Variants in USP45 observed in about 807,000 individuals in gnomAD.
The protein encoded by USP45 is ubiquitin specific peptidase 45.
In USP45, 89 loss-of-function variants were observed where a neutral mutation model predicts 95.8. The ratio of observed to expected loss-of-function variants is 0.93; its 90% CI spans 0.78 to 1.11. The LOEUF (loss-of-function observed/expected upper bound fraction) is 1.11. Ranked by LOEUF, USP45 falls within the 50% of genes least tolerant of loss-of-function variation. The pLI, the probability that USP45 is intolerant of heterozygous loss-of-function variation, is 0.00. For missense variants in USP45, 898 were observed against 942.5 expected (o/e 0.95, Z 0.62); for synonymous variants, 281 against 316.2 (o/e 0.89, Z 1.18).
intron 13 of USP45, chr6:99,461,708 TA>T: frequency 1.0e-6 from 1 of 985,104 alleles, no homozygotes; most frequent in Non-Finnish European, 1.2e-6. Context: ...ACAGAAAAGG[TA>T]AAAAACTCAA....
intron 13 of USP45, among the ~76,000 whole-genome samples, chr6:99,450,279 A>T (rs1783558296): frequency 6.6e-6 from 1 of 152,196 alleles, no homozygotes; most frequent in Non-Finnish European, 1.5e-5. Context: ...AAATCGATAA[A>T]CCACTAGCAA....
intron 4 of USP45, 41 bp downstream of exon 4, chr6:99,507,387 C>A: frequency 1.6e-6 from 2 of 1,215,336 alleles, no homozygotes; most frequent in Non-Finnish European, 2.3e-6. Flanking sequence ...AATTGGGGGG[C>A]TGTGGTTAGT....
At chr6:99,476,304 T>C (rs1483149405) in intron 8 of USP45, 74 bp from the exon 9 acceptor site, 3 of 1,433,274 alleles carry the variant, frequency 2.1e-6, no homozygotes, top group African/African-American at 2.8e-5. Flanking sequence ...CTTCTCTAAA[T>C]GCACTTGAAA....
chr6:99,439,678 A>T, intron 16 of USP45, 91 bp downstream of exon 16: 1 of 924,236 alleles, frequency 1.1e-6, no homozygotes, highest in Non-Finnish European at 1.5e-6. Context: ...AAGAGAAGTT[A>T]TTTTTTTAGA....
Position 99,488,251 on chromosome 6 carries a change from G to C in USP45, c.663C>G (p.Ile221Met). 1 of 1,612,350 alleles carries C rather than the reference G, an allele frequency of 6.2e-7. No homozygotes were observed. The highest frequency in any genetic ancestry group is 8.5e-7 in the Non-Finnish European group (1 of 1,179,432). ...TCTTGAGTTTTGTACTACTTTCTTT[G>C]ATCTCATTCATCAGATCAGTAAGAG... ...TYTLTDLMNE[I>M]KESSTKLKIF... The change falls in exon 7 of 18, where the codon ATC becomes ATG. Residue 221 changes from isoleucine (I) to methionine (M), a missense_variant. Transcript: ENST00000500704.
chr6:99,481,901 C>A (rs1792527370), intron 8 of USP45, among the ~76,000 whole-genome samples: 1 of 152,158 alleles, frequency 6.6e-6, no homozygotes, highest in Non-Finnish European at 1.5e-5. Context: ...ACTCATGCCT[C>A]TGAGAATTTT....
intron 1 of USP45, 57 bp from the exon 2 acceptor site, chr6:99,510,287 A>G (rs1255540445): frequency 7.9e-7 from 1 of 1,262,218 alleles, no homozygotes; most frequent in Non-Finnish European, 1.1e-6. Context: ...TTAAAATTTT[A>G]TATTTTATTT....
Position 99,437,353 on chromosome 6 carries a change from A to T in USP45, c.2207T>A (p.Val736Glu). The stretch of plus-strand genomic sequence containing the variant: ...TTCTCTCATCGAGCCACTATGTTCC[A>T]CTATGCCATAGAGACCGTAGAGAAC... ...DKVLYGLYGI[V>E]EHSGSMREGH... Residue 736 changes from valine (V) to glutamate (E), a missense_variant, in exon 17 of 18, where the codon GTG becomes GAG. Physicochemically the swap from Val to Glu is moderately radical, Grantham distance 121. Transcript: ENST00000500704. The T allele has an allele frequency of 6.2e-7, 1 of 1,613,754 alleles. No individual in the cohort carries two copies. Among genetic ancestry groups the T allele is most frequent in the Non-Finnish European group, 8.5e-7 (1 of 1,179,924 alleles).
At chr6:99,490,632 C>G (rs1256740468) in intron 5 of USP45, among the ~76,000 whole-genome samples, 1 of 152,002 alleles carries the variant, frequency 6.6e-6, no homozygotes, top group Non-Finnish European at 1.5e-5. Flanking sequence ...CAAAGGGGTA[C>G]AGCACTGGGG....
intron 1 of USP45, among the ~76,000 whole-genome samples, chr6:99,513,855 G>T (rs1800483872): frequency 6.6e-6 from 1 of 152,172 alleles, no homozygotes; most frequent in Admixed American, 6.5e-5. Flanking sequence ...AATTATTAGA[G>T]CTTCCAATAC....
At chr6:99,487,561 G>C (rs368068551) in intron 7 of USP45, among the ~76,000 whole-genome samples, 53 of 151,048 alleles carry the variant, frequency 3.5e-4, no homozygotes, top group Admixed American at 3.1e-3. Context: ...AGGCCGAGGC[G>C]GGTGGATCAC....
At chr6:99,451,701 A>C (rs1414548562) in intron 13 of USP45, among the ~76,000 whole-genome samples, 1 of 152,228 alleles carries the variant, frequency 6.6e-6, no homozygotes, top group Non-Finnish European at 1.5e-5. Flanking sequence ...ATATGGGACC[A>C]AAAAGAGCCT....
intron 7 of USP45, among the ~76,000 whole-genome samples, 181 bp downstream of exon 7, chr6:99,488,019 A>G (rs965605783): frequency 4.6e-5 from 7 of 152,216 alleles, no homozygotes; most frequent in Non-Finnish European, 7.3e-5. Context: ...GAACCATAAC[A>G]TACCTTAAAG....
intron 13 of USP45, among the ~76,000 whole-genome samples, chr6:99,452,353 A>C (rs1001592913): frequency 2.6e-5 from 4 of 152,222 alleles, no homozygotes; most frequent in African/African-American, 9.6e-5. Flanking sequence ...ACCCCATCAA[A>C]AAGTGGGCAA....
At chr6:99,459,837 G>A (rs1014260295) in intron 13 of USP45, among the ~76,000 whole-genome samples, 75 of 152,252 alleles carry the variant, frequency 4.9e-4, no homozygotes, top group Admixed American at 3.7e-3. Context: ...ATATTGCCCT[G>A]TCTGCAATGT....
chr6:99,482,812 C>T lies in USP45; in HGVS notation c.786G>A (p.Met262Ile). Residue 262 changes from methionine (M) to isoleucine (I), a missense_variant, in exon 8 of 18, where the codon ATG becomes ATA. Physicochemically the swap from Met to Ile is conservative, Grantham distance 10 (BLOSUM62 1). Transcript: ENST00000500704. ...AAAGTGGTCCTTTTTCAGTCTCCTT[C>T]ATGCTGTGAAGAAACAGGAACAAGG... is the stretch of plus-strand genomic sequence containing the variant. ...TSALFLFLHS[M>I]KETEKGPLSP... is the part of the protein sequence containing the mutation. 6.2e-7 allele frequency: 1 copy of T among 1,607,224 alleles called. No homozygotes were observed. The highest frequency in any genetic ancestry group is 2.2e-5 in the East Asian group (1 of 44,652).
Position 99,433,124 on chromosome 6 carries a change from G to A in USP45, c.*2592C>T, listed in dbSNP as rs536368006. 3 of 152,346 alleles carry A rather than the reference G, an allele frequency of 2.0e-5. No homozygotes were observed. The highest frequency in any genetic ancestry group is 1.9e-4 in the East Asian group (1 of 5,182). 9.4% of individuals were successfully genotyped at this position (152,346 alleles called of 1,614,324 possible). A position where few individuals can be genotyped will look rare whatever the true frequency, so the allele number is the denominator to read the frequency against. On this transcript the variant is annotated 3_prime_UTR_variant, in exon 18 of 18. Coordinates refer to ENST00000500704, the MANE Select transcript of USP45 (RefSeq NM_001346022.3). ...TCCCCACTCAGCCTCCCAACAGCATGAGCCACCATGCCTGGCTAACAAATT... is the reference window on the plus strand; with the variant it reads ...TCCCCACTCAGCCTCCCAACAGCATAAGCCACCATGCCTGGCTAACAAATT...
chr6:99,513,253 A>G (rs1299308905), intron 1 of USP45, among the ~76,000 whole-genome samples: 1 of 152,136 alleles, frequency 6.6e-6, no homozygotes, highest in Admixed American at 6.6e-5. Flanking sequence ...AAGAAAGCAG[A>G]CTAGGTCCAT....
At chr6:99,507,066 G>C (rs1348114297) in intron 4 of USP45, among the ~76,000 whole-genome samples, 2 of 152,130 alleles carry the variant, frequency 1.3e-5, no homozygotes, top group African/African-American at 4.8e-5. Flanking sequence ...AATTAGGCAG[G>C]CATGGCGGCA....
Sources: gnomAD v4.1 joint callset for allele counts (sites outside exome capture counted in the v4.1 genomes callset) on GRCh38, gnomAD v4.1.1 for gene constraint, MANE v1.5 for transcripts, NCBI Gene and HGNC (gene_info 2026-07-23, HGNC 2026-07-21) for gene names.